The following SLC27A3 variants were observed in gnomAD, a reference collection of about 807,000 sequenced individuals.
The protein encoded by SLC27A3 is solute carrier family 27 member 3, also known as long-chain fatty acid transport protein 3.
A neutral mutation model predicts 60.1 loss-of-function variants in SLC27A3; 60 were observed. The observed-to-expected ratio is 1.00, with a 90% CI of 0.81 to 1.24. SLC27A3 has a LOEUF of 1.24. Ranked by LOEUF, SLC27A3 falls within the 50% of genes most tolerant of loss-of-function variation. The pLI, the probability that SLC27A3 is intolerant of heterozygous loss-of-function variation, is 0.00. For missense variants in SLC27A3, 1,079 were observed against 929.9 expected, an observed-to-expected ratio of 1.16 and a Z score of -2.09; for synonymous variants, 455 against 409.0, an observed-to-expected ratio of 1.11 and a Z score of -1.36.
chr1:153,778,433 G>T (rs753945690), intron 5 of SLC27A3, 30 bp from the exon 6 acceptor site: 6 of 1,613,200 alleles, frequency 3.7e-6, no homozygotes, highest in Non-Finnish European at 3.4e-6. Context: ...TGACTGCAAT[G>T]ATCCAGTACC....
rs1259467902 is a variant in SLC27A3 at position 153,775,887 on chromosome 1, C to T, written c.390C>T (p.Gly130=). 2 of 1,483,810 alleles carry T rather than the reference C, an allele frequency of 1.3e-6. No homozygotes were observed. The highest frequency in any genetic ancestry group is 1.4e-5 in the South Asian group (1 of 73,910). The allele number at this position is 1,483,810 out of a possible 1,614,324, so 91.9% of individuals were successfully genotyped here. The change falls in exon 1 of 10, where the codon GGC becomes GGT. Residue 130 remains glycine, a synonymous_variant. Transcript: ENST00000624995. ...GCGGCGAGGGGAGCGCTGGAGAAGG[C>T]GAGCGGGCAGCGCCGGGAGCCGGAG... ...GDSGEGSAGE[G]ERAAPGAGDA... is the part of the protein sequence containing the mutation.
Position 153,775,574 on chromosome 1 carries a change from T to TG in SLC27A3, c.78dup (p.Arg27AlafsTer66). The stretch of plus-strand genomic sequence containing the variant: ...CTGAAGCTACACCTCTGGCCGCAGT[T>TG]GCGCTGGCTTCCGGCGGACTTGGCC... On this transcript the variant is annotated frameshift_variant, in exon 1 of 10. Transcript: ENST00000624995. LOFTEE classifies it high-confidence loss of function. 2 of 1,609,328 alleles carry TG rather than the reference T, an allele frequency of 1.2e-6. No individual in the cohort carries two copies. Among genetic ancestry groups the TG allele is most frequent in the Non-Finnish European group, 1.7e-6 (2 of 1,179,294 alleles).
rs202142419 is a variant in SLC27A3 at position 153,779,355 on chromosome 1, G to A, written c.1757G>A (p.Arg586Lys). The A allele has an allele frequency of 3.2e-4, 512 of 1,613,936 alleles. No homozygotes were observed. The highest frequency in any genetic ancestry group is 3.8e-4 in the Non-Finnish European group (447 of 1,179,964). ...CCACACCCACCAGGGCATGAAGGCA[G>A]GGCTGGAATGGCAGCCCTAGTTCTG... The part of the protein sequence containing the change: ...YGVTVPGHEG[R>K]AGMAALVLRP... The change falls in exon 9 of 10, where the codon AGG (arginine) becomes AAG (lysine). Residue 586 changes from arginine to lysine, a missense_variant. Arg to Lys is a conservative substitution (Grantham distance 26). Coordinates refer to ENST00000624995, the MANE Select transcript of SLC27A3 (RefSeq NM_024330.4).
Position 153,780,100 on chromosome 1 carries a change from GCGGTCACTA to G in SLC27A3, c.*99_*107del, listed in dbSNP as rs1164567359. 6.0e-5 allele frequency: 65 copies of G among 1,074,480 alleles called. No homozygotes were observed. The highest frequency in any genetic ancestry group is 7.1e-5 in the Non-Finnish European group (53 of 750,544). The allele number at this position is 1,074,480 out of a possible 1,614,324, so 66.6% of individuals were successfully genotyped here. On this transcript the variant is annotated 3_prime_UTR_variant, in exon 10 of 10. Transcript: ENST00000624995. ...CAGGGATCTTTTCTATACCAGAACTGCGGTCACTATTTTGTAATAAATGTGGCTGGAGCT... is the reference window on the plus strand; with the variant it reads ...CAGGGATCTTTTCTATACCAGAACTGTTTTGTAATAAATGTGGCTGGAGCT...
chr1:153,775,819 C>CT lies in SLC27A3; in HGVS notation c.323dup (p.Arg109ThrfsTer147). On this transcript the variant is annotated frameshift_variant, in exon 1 of 10. Transcript: ENST00000624995. LOFTEE classifies it high-confidence loss of function. ...GAGTAACAGGGCTGCACGCGCCTTC[C>CT]TACGTGCGCTAGGCTGGGACTGGGG... 1 of 1,495,734 alleles carries CT rather than the reference C, an allele frequency of 6.7e-7. No homozygotes were observed. Among genetic ancestry groups the CT allele is most frequent in the Non-Finnish European group, 8.9e-7 (1 of 1,127,014 alleles). The allele number at this position is 1,495,734 out of a possible 1,614,324, so 92.7% of individuals were successfully genotyped here.
At position 153,779,455 on chromosome 1, in the gene SLC27A3, C is replaced by G. The variant is rs921240142; in HGVS notation, c.1857C>G (p.Pro619=). Residue 619 remains proline (P), a synonymous_variant, in exon 9 of 10, where the codon CCC becomes CCG. Transcript: ENST00000624995. The part of the protein sequence containing the change: ...VSENLPPYAR[P]RFLRLQESLA... ...AGAACTTGCCACCTTATGCCCGGCC[C>G]CGATTCCTCAGGCTCCAGGTAACCG... 1.1e-5 allele frequency: 17 copies of G among 1,613,512 alleles called. No individual in the cohort carries two copies. In the Middle Eastern group the frequency reaches 4.9e-4, roughly 47 times the overall value.
At position 153,775,891 on chromosome 1, in the gene SLC27A3, C is replaced by T; in HGVS notation, c.394C>T (p.Arg132Trp). Residue 132 changes from arginine to tryptophan, a missense_variant, in exon 1 of 10, where the codon CGG becomes TGG. Physicochemically the swap from Arg to Trp is moderately radical, Grantham distance 101 (BLOSUM62 -3). Transcript: ENST00000624995. ...SGEGSAGEGE[R>W]AAPGAGDAAA... ...CGAGGGGAGCGCTGGAGAAGGCGAG[C>T]GGGCAGCGCCGGGAGCCGGAGATGC... 6.8e-7 allele frequency: 1 copy of T among 1,476,650 alleles called. No homozygotes were observed. The highest frequency in any genetic ancestry group is 1.4e-5 in the South Asian group (1 of 73,070). 91.5% of individuals were successfully genotyped at this position (1,476,650 alleles called of 1,614,324 possible).
At chr1:153,776,792 C>T (rs940865175) in intron 2 of SLC27A3, 65 bp downstream of exon 2, 43 of 1,481,346 alleles carry the variant, frequency 2.9e-5, no homozygotes, top group Non-Finnish European at 3.6e-5. Context: ...GGTCTGCTCC[C>T]AGACCACTCC....
chr1:153,779,139 A>G lies in SLC27A3; in HGVS notation c.1672A>G (p.Thr558Ala), dbSNP rs771875829. 2 of 1,614,094 alleles carry G rather than the reference A, an allele frequency of 1.2e-6. No individual in the cohort carries two copies. Among genetic ancestry groups the G allele is most frequent in the East Asian group, 2.2e-5 (1 of 44,872 alleles). The change falls in exon 8 of 10, where the codon ACC (threonine) becomes GCC (alanine). Residue 558 changes from threonine (T) to alanine (A), a missense_variant. Transcript: ENST00000624995. ...FRWKGENVAT[T>A]EVAEVFEALD... The stretch of plus-strand genomic sequence containing the variant: ...GTGGAAGGGGGAGAATGTGGCCACA[A>G]CCGAGGTGGCAGAGGTCTTCGAGGC...
rs890045906 is a variant in SLC27A3 at position 153,777,050 on chromosome 1, G to A, written c.878-12G>A. 4 of 1,613,724 alleles carry A rather than the reference G, an allele frequency of 2.5e-6. No individual in the cohort carries two copies. The highest frequency in any genetic ancestry group is 4.5e-5 in the East Asian group (2 of 44,882). On this transcript the variant is annotated splice_polypyrimidine_tract_variant and intron_variant, in intron 2 of 9. Coordinates refer to ENST00000624995, the MANE Select transcript of SLC27A3 (RefSeq NM_024330.4). ...CCCTTCCCCTGATCGTCCCATAACT[G>A]CCACCCCACAGGCCTCCCCAAGGCT...
chr1:153,779,649 T>C, intron 9 of SLC27A3, 176 bp downstream of exon 9: 3 of 925,956 alleles, frequency 3.2e-6, no homozygotes, highest in South Asian at 3.3e-5. Flanking sequence ...CCCACTTCTT[T>C]CCTTATCCCT....
Position 153,778,366 on chromosome 1 carries a change from G to C in SLC27A3, c.1356+11G>C. ...TCCTGGCTTTACAAGGTGAGGGGCA[G>C]AGAGGAAACTGAAAACCCGTGGAAC... On this transcript the variant is annotated intron_variant, in intron 5 of 9. Transcript: ENST00000624995. The C allele has an allele frequency of 6.2e-7, 1 of 1,613,858 alleles. No homozygotes were observed. Among genetic ancestry groups the C allele is most frequent in the Non-Finnish European group, 8.5e-7 (1 of 1,179,804 alleles).
intron 4 of SLC27A3, 137 bp downstream of exon 4, chr1:153,778,022 TG>T: frequency 6.8e-7 from 1 of 1,476,878 alleles, no homozygotes. Context: ...GAGCCAGAGA[TG>T]GCCTAGGCCA....
rs1673380427 is a variant in SLC27A3, at chr1:153,778,868, T to C, written c.1629T>C (p.Arg543=). 3 of 1,614,052 alleles carry C rather than the reference T, an allele frequency of 1.9e-6. No individual in the cohort carries two copies. In the African/African-American group the frequency reaches 4.0e-5, roughly 22 times the overall value. The change falls in exon 7 of 10, where the codon CGT becomes CGC. Residue 543 remains arginine, a synonymous_variant. Transcript: ENST00000624995. ...DDQGFLRFHD[R]TGDTFRWKGE... ...AAGGTTTTCTCCGCTTCCATGATCGTACTGGAGACACCTTCAGGTATCTGT... is the reference window on the plus strand; with the variant it reads ...AAGGTTTTCTCCGCTTCCATGATCGCACTGGAGACACCTTCAGGTATCTGT...
rs749188333 is a variant in SLC27A3 at position 153,779,184 on chromosome 1, G to A, written c.1717G>A (p.Val573Met). 3.1e-6 allele frequency: 5 copies of A among 1,614,050 alleles called. No homozygotes were observed. In the African/African-American group the frequency reaches 5.3e-5, roughly 17 times the overall value. The stretch of plus-strand genomic sequence containing the variant: ...CGAGGCCCTAGATTTTCTTCAGGAG[G>A]TGAACGTCTATGGAGTCACTGTGCC... ...VFEALDFLQE[V>M]NVYGVTVPGH... The change falls in exon 8 of 10, where the codon GTG becomes ATG. Residue 573 changes from valine to methionine, a missense_variant. Coordinates refer to ENST00000624995, the MANE Select transcript of SLC27A3 (RefSeq NM_024330.4).
In SLC27A3 at chr1:153,775,921, G is replaced by A. The variant is rs765365021; in HGVS notation, c.424G>A (p.Ala142Thr). 1.2e-5 allele frequency: 17 copies of A among 1,463,094 alleles called. No homozygotes were observed. Among genetic ancestry groups the A allele is most frequent in the Middle Eastern group, 2.2e-4 (1 of 4,516 alleles). 90.6% of individuals were successfully genotyped at this position (1,463,094 alleles called of 1,614,324 possible). Residue 142 changes from alanine (A) to threonine (T), a missense_variant, in exon 1 of 10, where the codon GCC becomes ACC. By Grantham distance (58) the Ala-to-Thr change is moderately conservative (BLOSUM62 0). Transcript: ENST00000624995. ...AGCGCCGGGAGCCGGAGATGCAGCG[G>A]CCGGAAGCGGCGCGGAGTTTGCCGG... is the stretch of plus-strand genomic sequence containing the variant. The part of the protein sequence containing the change: ...RAAPGAGDAA[A>T]GSGAEFAGGD...
In SLC27A3 at chr1:153,775,546, C is replaced by G. The variant is rs1274756950; in HGVS notation, c.49C>G (p.Leu17Val). The G allele has an allele frequency of 6.2e-7, 1 of 1,612,256 alleles. No homozygotes were observed. The highest frequency in any genetic ancestry group is 1.1e-5 in the South Asian group (1 of 91,084). ...CCTGCTGCTGTTGCTACCGCTGCTG[C>G]TGCTGAAGCTACACCTCTGGCCGCA... Reference protein sequence around the residue: ...LPLLLLLPLLLLKLHLWPQLR... With the variant: ...LPLLLLLPLLVLKLHLWPQLR... The change falls in exon 1 of 10, where the codon CTG becomes GTG. Residue 17 changes from leucine to valine, a missense_variant. By Grantham distance (32) the Leu-to-Val change is conservative (BLOSUM62 1). Coordinates refer to ENST00000624995, the MANE Select transcript of SLC27A3 (RefSeq NM_024330.4).
At position 153,777,237 on chromosome 1, in the gene SLC27A3, C is replaced by A; in HGVS notation, c.1036+17C>A. On this transcript the variant is annotated intron_variant, in intron 3 of 9. Transcript: ENST00000624995. ...TGGGCATTGGTCAGTCTCCCCAACC[C>A]CACCTTCATTAATTCATCCAGTAGA... The A allele has an allele frequency of 1.2e-6, 2 of 1,613,800 alleles. No homozygotes were observed. The highest frequency in any genetic ancestry group is 1.7e-6 in the Non-Finnish European group (2 of 1,179,728).
At chr1:153,777,371 C>T (rs1673284653) in intron 3 of SLC27A3, 151 bp downstream of exon 3, 2 of 901,240 alleles carry the variant, frequency 2.2e-6, no homozygotes, top group Non-Finnish European at 3.4e-6. Context: ...GGCAATGTCA[C>T]CTGCCTAGAC....
Sources: allele counts gnomAD v4.1 joint callset, GRCh38; gene constraint gnomAD v4.1.1; transcripts MANE v1.5; gene names NCBI Gene and HGNC (gene_info 2026-07-23, HGNC 2026-07-21).